The following EXOSC10 variants were observed in gnomAD, a reference collection of about 807,000 sequenced individuals.
The protein encoded by EXOSC10 is exosome component 10.
Under a neutral mutation model 126.6 loss-of-function variants are expected in EXOSC10, and 94 were observed. The observed-to-expected ratio is 0.74, with a 90% confidence interval of 0.63 to 0.88. EXOSC10 has a LOEUF of 0.88. Among genes scored for constraint, EXOSC10 ranks in the 40% least tolerant of loss-of-function variants. EXOSC10 has a pLI of 0.00. For synonymous variants in EXOSC10, 395 were observed against 400.8 expected, an observed-to-expected ratio of 0.99 and a Z score of 0.17; for missense variants, 1,041 against 1,100.5, an observed-to-expected ratio of 0.95 and a Z score of 0.77.
chr1:11,077,761 C>T (rs1639902547), intron 14 of EXOSC10, 110 bp from the exon 15 acceptor site: 2 of 915,156 alleles, frequency 2.2e-6, no homozygotes, highest in East Asian at 5.0e-5. Flanking sequence ...CTCAAAAGCC[C>T]AGAGATTTTC....
chr1:11,083,805 G>A (rs1292333560), intron 9 of EXOSC10, among the ~76,000 whole-genome samples: 1 of 151,618 alleles, frequency 6.6e-6, no homozygotes, highest in Non-Finnish European at 1.5e-5. Context: ...AGTCCCCAGA[G>A]TGTGATGTTC....
chr1:11,083,680 GGTTA>G (rs1321445545), intron 9 of EXOSC10, among the ~76,000 whole-genome samples: 1 of 151,698 alleles, frequency 6.6e-6, no homozygotes, highest in African/African-American at 2.4e-5. Context: ...ACAATGTGCA[GGTTA>G]GTTACATATG....
At chr1:11,096,591 C>G (rs1055604869) in intron 2 of EXOSC10, among the ~76,000 whole-genome samples, 3 of 151,244 alleles carry the variant, frequency 2.0e-5, no homozygotes, top group African/African-American at 7.3e-5. Flanking sequence ...ATACTCCCAC[C>G]TCAGCCTCCC....
At chr1:11,076,541 T>G (rs901044968) in intron 17 of EXOSC10, among the ~76,000 whole-genome samples, 6 of 152,162 alleles carry the variant, frequency 3.9e-5, no homozygotes, top group Non-Finnish European at 7.4e-5. Context: ...GCTTGTATGT[T>G]CTCTTAGCGC....
chr1:11,069,693 C>T lies in EXOSC10; in HGVS notation c.2354G>A (p.Ser785Asn). Residue 785 changes from serine (S) to asparagine (N), a missense_variant, in exon 22 of 25, where the codon AGC (serine) becomes AAC (asparagine). Coordinates refer to ENST00000376936, the MANE Select transcript of EXOSC10 (RefSeq NM_001001998.3). Reference protein sequence around the residue: ...NAAKKRERATSDPRTTEQKQE... With the variant: ...NAAKKRERATNDPRTTEQKQE... ...TTTCTGTTCTGTGGTCCTTGGGTCG[C>T]TTGTTGCTCGCTCTCTCTTCTTTGC... The T allele has an allele frequency of 6.2e-7, 1 of 1,613,988 alleles. No individual in the cohort carries two copies. The highest frequency in any genetic ancestry group is 8.5e-7 in the Non-Finnish European group (1 of 1,180,018).
intron 10 of EXOSC10, among the ~76,000 whole-genome samples, chr1:11,082,282 A>G (rs1230898966): frequency 6.6e-6 from 1 of 151,918 alleles, no homozygotes; most frequent in Non-Finnish European, 1.5e-5. Context: ...AAAGCTAAAC[A>G]ACAGTGTCCC....
Position 11,090,287 on chromosome 1 carries a change from C to T in EXOSC10, c.758+267G>A, listed in dbSNP as rs116678187. 4.6e-3 allele frequency among the ~76,000 whole-genome samples: 703 copies of T among 152,286 alleles called. 10 individuals carry two copies. The highest frequency in any genetic ancestry group is 0.015 in the African/African-American group (603 of 41,562). On this transcript the variant is annotated intron_variant, in intron 6 of 24. Coordinates refer to ENST00000376936, the MANE Select transcript of EXOSC10 (RefSeq NM_001001998.3). ...TGCTGGGATTACAGGCGTAAGCCAC[C>T]GCGCCCAGCCTTCGTGTTTTACATC...
In EXOSC10 at chr1:11,072,184, C is replaced by A; in HGVS notation, c.2158-13G>T. The A allele has an allele frequency of 1.3e-6, 2 of 1,590,712 alleles. No individual in the cohort carries two copies. The highest frequency in any genetic ancestry group is 1.1e-5 in the South Asian group (1 of 88,150). On this transcript the variant is annotated splice_polypyrimidine_tract_variant and intron_variant, in intron 19 of 24. Coordinates refer to ENST00000376936, the MANE Select transcript of EXOSC10 (RefSeq NM_001001998.3). ...AGCGGTTGCTGATCTATAATGAAAG[C>A]AAATATAACAAAAAAAACCCTCCAA...
chr1:11,067,735 C>T (rs1324182797), intron 24 of EXOSC10, among the ~76,000 whole-genome samples: 1 of 152,168 alleles, frequency 6.6e-6, no homozygotes, highest in African/African-American at 2.4e-5. Context: ...CCTGAGGTGA[C>T]CCCAGGACAC....
chr1:11,099,683 G>A lies in EXOSC10; in HGVS notation c.111+38C>T, dbSNP rs375103410. 162 of 1,548,456 alleles carry A rather than the reference G, an allele frequency of 1.0e-4. No homozygotes were observed. In the African/African-American group the frequency reaches 1.9e-3, roughly 18 times the overall value. On this transcript the variant is annotated intron_variant, in intron 1 of 24. Coordinates refer to ENST00000376936, the MANE Select transcript of EXOSC10 (RefSeq NM_001001998.3). ...GGCCCAGTCGGCTTCCGGCGGCCGC[G>A]GGCGACTCCTGGTACCCCCGAGGCC...
rs1027129086 is a variant in EXOSC10, at chr1:11,074,395, G to C, written c.1987-69C>G. ...CTGTGACATCAAGATGCAAGCAAGA[G>C]AGCAACAGTTAACAGTGATTTTTTT... On this transcript the variant is annotated intron_variant, in intron 17 of 24. Transcript: ENST00000376936. The C allele has an allele frequency of 1.3e-5, 14 of 1,101,272 alleles. No individual in the cohort carries two copies. The Admixed American group carries it at 2.6e-4, about 20-fold the overall frequency. 68.2% of individuals were successfully genotyped at this position (1,101,272 alleles called of 1,614,324 possible).
intron 24 of EXOSC10, among the ~76,000 whole-genome samples, 185 bp from the exon 25 acceptor site, chr1:11,066,933 T>G (rs1639131261): frequency 6.6e-6 from 1 of 152,242 alleles, no homozygotes; most frequent in African/African-American, 2.4e-5. Flanking sequence ...AAGGCAGACC[T>G]GTTTTTCCTG....
At chr1:11,074,546 G>C (rs1489324202) in intron 17 of EXOSC10, among the ~76,000 whole-genome samples, 1 of 151,908 alleles carries the variant, frequency 6.6e-6, no homozygotes, top group Non-Finnish European at 1.5e-5. Flanking sequence ...CTGAGTAGCT[G>C]GGATTACAGG....
Position 11,077,553 on chromosome 1 carries a change from G to T in EXOSC10, c.1800+48C>A. 2.5e-6 allele frequency: 4 copies of T among 1,611,426 alleles called. No homozygotes were observed. In the South Asian group the frequency reaches 4.4e-5, roughly 18 times the overall value. ...TCAGAGGTGTACTTGCACTGGCTGT[G>T]ACTTGACGTTTTCCCTCCTGGGGGA... On this transcript the variant is annotated intron_variant, in intron 15 of 24. Transcript: ENST00000376936.
chr1:11,079,450 G>A (rs1640020603), intron 14 of EXOSC10, among the ~76,000 whole-genome samples: 1 of 144,454 alleles, frequency 6.9e-6, no homozygotes, highest in Admixed American at 6.9e-5. Context: ...CTAGAGTGCA[G>A]TGGCGCGATC....
In EXOSC10 at chr1:11,068,015, A is replaced by C; in HGVS notation, c.2620T>G (p.Ser874Ala). 1 of 1,614,018 alleles carries C rather than the reference A, an allele frequency of 6.2e-7. No individual in the cohort carries two copies. Among genetic ancestry groups the C allele is most frequent in the Non-Finnish European group, 8.5e-7 (1 of 1,179,960 alleles). Reference protein sequence around the residue: ...NKSMSFPTGKSDRGFRYNWPQ... With the variant: ...NKSMSFPTGKADRGFRYNWPQ... ...CCGCCGTCCACCACATACCTGTCTGACTTTCCAGTTGGAAAGGACATGCTT... is the reference window on the plus strand; with the variant it reads ...CCGCCGTCCACCACATACCTGTCTGCCTTTCCAGTTGGAAAGGACATGCTT... Residue 874 changes from serine (S) to alanine (A), a missense_variant, in exon 24 of 25, where the codon TCA (serine) becomes GCA (alanine). Physicochemically the swap from Ser to Ala is moderately conservative, Grantham distance 99. This residue lies in a region of EXOSC10 where 388 missense variants were observed against 415.2 expected (regional missense o/e 0.93). Coordinates refer to ENST00000376936, the MANE Select transcript of EXOSC10 (RefSeq NM_001001998.3).
chr1:11,083,003 T>C, intron 9 of EXOSC10, 125 bp from the exon 10 acceptor site: 5 of 749,950 alleles, frequency 6.7e-6, no homozygotes, highest in Middle Eastern at 3.6e-4. Context: ...CCATCTGTAG[T>C]GCAGTGGTGT....
chr1:11,082,768 C>T lies in EXOSC10; in HGVS notation c.1200G>A (p.Arg400=), dbSNP rs1640241439. 1 of 1,614,136 alleles carries T rather than the reference C, an allele frequency of 6.2e-7. No homozygotes were observed. The highest frequency in any genetic ancestry group is 2.2e-5 in the East Asian group (1 of 44,880). ...HQAARLLNLG[R]HSLDHLLKLY... The stretch of plus-strand genomic sequence containing the variant: ...GTTTCAGGAGATGATCGAGTGAGTG[C>T]CTGCCCAGGTTAAGAAGGCGTGCTG... The change falls in exon 10 of 25, where the codon AGG becomes AGA. Residue 400 remains arginine, a synonymous_variant. Coordinates refer to ENST00000376936, the MANE Select transcript of EXOSC10 (RefSeq NM_001001998.3).
chr1:11,067,170 G>A (rs1283874404), intron 24 of EXOSC10, among the ~76,000 whole-genome samples: 16 of 152,096 alleles, frequency 1.1e-4, no homozygotes, highest in African/African-American at 3.4e-4. Context: ...GGTGGCTCAC[G>A]CCTGTAACCC....
Sources: gnomAD v4.1 joint callset for allele counts (sites outside exome capture counted in the v4.1 genomes callset) on GRCh38, gnomAD v4.1.1 for gene constraint, gnomAD v4.1.1 regional missense constraint, MANE v1.5 for transcripts, NCBI Gene and HGNC (gene_info 2026-07-23, HGNC 2026-07-21) for gene names.